Variants in TNFSF4 observed in about 807,000 individuals in gnomAD.
TNFSF4 encodes the protein TNF superfamily member 4.
Under a neutral mutation model 7.3 loss-of-function variants are expected in TNFSF4, and 4 were observed. The observed-to-expected ratio is 0.55, with a 90% confidence interval of 0.27 to 1.25. TNFSF4 has a LOEUF of 1.25. Ranked by LOEUF, TNFSF4 falls within the 50% of genes most tolerant of loss-of-function variation. The pLI is 0.12. For missense variants in TNFSF4, 181 were observed against 208.8 expected (o/e 0.87, Z 0.82); for synonymous variants, 76 against 83.7 (o/e 0.91, Z 0.50).
At chr1:173,431,845 C>G in the TNFSF4 span, among the ~76,000 whole-genome samples, 1 of 152,088 alleles carries the variant, frequency 6.6e-6, no homozygotes, top group Non-Finnish European at 1.5e-5. Context: ...ACTTCCTCAG[C>G]AGATGAGTTC....
chr1:173,268,254 A>G, the TNFSF4 span, among the ~76,000 whole-genome samples: 33 of 152,264 alleles, frequency 2.2e-4, no homozygotes, highest in African/African-American at 7.7e-4. Flanking sequence ...AGCAGCAAAT[A>G]TAATAGACCA....
At chr1:173,324,572 T>C in the TNFSF4 span, among the ~76,000 whole-genome samples, 8 of 152,196 alleles carry the variant, frequency 5.3e-5, no homozygotes, top group East Asian at 1.2e-3. Flanking sequence ...GACTAGCAAA[T>C]TGAATAAAGA....
At chr1:173,300,540 C>A in the TNFSF4 span, among the ~76,000 whole-genome samples, 1 of 151,892 alleles carries the variant, frequency 6.6e-6, no homozygotes, top group African/African-American at 2.4e-5. Flanking sequence ...TTGACAGCCA[C>A]TATCTCACTG....
the TNFSF4 span, among the ~76,000 whole-genome samples, chr1:173,361,595 T>A: frequency 6.6e-6 from 1 of 151,414 alleles, no homozygotes; most frequent in African/African-American, 2.4e-5. Flanking sequence ...CAAGACTCCA[T>A]CTCCAAAAAA....
the TNFSF4 span, among the ~76,000 whole-genome samples, chr1:173,366,225 T>C: frequency 6.6e-6 from 1 of 152,192 alleles, no homozygotes; most frequent in Admixed American, 6.5e-5. Context: ...GGAAGCAACC[T>C]AGTGTCTATC....
chr1:173,305,709 A>C, the TNFSF4 span, among the ~76,000 whole-genome samples: 2 of 151,782 alleles, frequency 1.3e-5, no homozygotes, highest in African/African-American at 4.8e-5. Flanking sequence ...AAAAAAGGGA[A>C]GTTTAATTGA....
chr1:173,359,279 A>AT, the TNFSF4 span, among the ~76,000 whole-genome samples: 1 of 152,176 alleles, frequency 6.6e-6, no homozygotes, highest in Non-Finnish European at 1.5e-5. Context: ...GAATGAATGA[A>AT]TTAGTTTCTT....
chr1:173,398,409 C>CTTTTTTTTTTTTTTTTTTTTTTTTTTTT, the TNFSF4 span, among the ~76,000 whole-genome samples: 3 of 101,574 alleles, frequency 3.0e-5, no homozygotes, highest in African/African-American at 3.8e-5. Flanking sequence ...TATTTCTTTT[C>CTTTTTTTTTTTTTTTTTTTTTTTTTTTT]TTTTTTTTTT....
At chr1:173,309,959 T>C in the TNFSF4 span, among the ~76,000 whole-genome samples, 1 of 151,868 alleles carries the variant, frequency 6.6e-6, no homozygotes, top group East Asian at 1.9e-4. Flanking sequence ...AATGTATTGA[T>C]AAAAAATAAG....
the TNFSF4 span, among the ~76,000 whole-genome samples, chr1:173,443,543 T>C: frequency 6.6e-6 from 1 of 152,194 alleles, no homozygotes; most frequent in Non-Finnish European, 1.5e-5. Flanking sequence ...AAATGTCCTA[T>C]TTTCGAAGAA....
chr1:173,192,602 A>C (rs1649533723), intron 1 of TNFSF4, among the ~76,000 whole-genome samples: 1 of 152,156 alleles, frequency 6.6e-6, no homozygotes. Context: ...TTTTTAGGGT[A>C]GTGAAAGCAT....
chr1:173,228,786 C>G, the TNFSF4 span, among the ~76,000 whole-genome samples: 6 of 152,298 alleles, frequency 3.9e-5, no homozygotes, highest in African/African-American at 7.2e-5. Context: ...GACGAATGTG[C>G]AAGCTTCAGT....
chr1:173,308,285 C>CTCTGTGTGTG, the TNFSF4 span, among the ~76,000 whole-genome samples: 57 of 135,120 alleles, frequency 4.2e-4, no homozygotes, highest in East Asian at 6.7e-3. Context: ...CTCTCTCTCT[C>CTCTGTGTGTG]TGTGTGTGTG....
chr1:173,243,012 G>GGT, the TNFSF4 span, among the ~76,000 whole-genome samples: 1 of 113,394 alleles, frequency 8.8e-6, no homozygotes, highest in African/African-American at 3.2e-5. Context: ...GGTGGGGGGG[G>GGT]GGGGGGAGCA....
chr1:173,279,138 CA>C, the TNFSF4 span, among the ~76,000 whole-genome samples: 1 of 152,048 alleles, frequency 6.6e-6, no homozygotes, highest in Non-Finnish European at 1.5e-5. Context: ...GTCATAATCA[CA>C]ACTCATATTT....
rs974394237 is a variant in TNFSF4, at chr1:173,186,393, C to T, written c.*123G>A. ...GGGGCGGGAGGGCCAGGATCTGCTT[C>T]TTGTCACATCCCACGTGGCTGAGCT... On this transcript the variant is annotated 3_prime_UTR_variant, in exon 3 of 3. Coordinates refer to ENST00000281834, the MANE Select transcript of TNFSF4 (RefSeq NM_003326.5). The T allele has an allele frequency of 1.3e-6, 1 of 750,156 alleles. No individual in the cohort carries two copies. The highest frequency in any genetic ancestry group is 1.9e-5 in the South Asian group (1 of 52,940). The allele number at this position is 750,156 out of a possible 1,614,324, so 46.5% of individuals were successfully genotyped here.
intron 1 of TNFSF4, among the ~76,000 whole-genome samples, chr1:173,191,026 A>C (rs1389843975): frequency 6.6e-6 from 1 of 152,238 alleles, no homozygotes; most frequent in Non-Finnish European, 1.5e-5. Context: ...AAGCTTCCTC[A>C]TTCCCAAATT....
the TNFSF4 span, among the ~76,000 whole-genome samples, chr1:173,328,143 G>A: frequency 0.33 from 50,729 of 151,734 alleles, 8,854 homozygotes; most frequent in African/African-American, 0.4. Context: ...AGAAAATATG[G>A]CACATATACA....
the TNFSF4 span, chr1:173,363,717 C>T: frequency 1.3e-5 from 3 of 226,434 alleles, no homozygotes; most frequent in South Asian, 2.1e-4. Context: ...GAACTGAGAA[C>T]CAGAAGCAGC....
Sources: allele counts gnomAD v4.1 joint callset (sites outside exome capture counted in the v4.1 genomes callset), GRCh38; gene constraint gnomAD v4.1.1; transcripts MANE v1.5; gene names NCBI Gene and HGNC (gene_info 2026-07-23, HGNC 2026-07-21).